SH3KBP1: variants seen among roughly 807,000 people sequenced by gnomAD.
SH3KBP1 encodes SH3 domain containing kinase binding protein 1.
A neutral mutation model predicts 50.1 loss-of-function variants in SH3KBP1; 8 were observed. The ratio of observed to expected loss-of-function variants is 0.16; its 90% CI spans 0.09 to 0.29. The LOEUF is 0.29. SH3KBP1 is among the 10% of genes least tolerant of loss of function. The pLI is 1.00. For synonymous variants in SH3KBP1, 227 were observed against 218.6 expected, an observed-to-expected ratio of 1.04 and a Z score of -0.34; for missense variants, 377 against 535.2, an observed-to-expected ratio of 0.70 and a Z score of 2.92.
intron 2 of SH3KBP1, among the ~76,000 whole-genome samples, chrX:19,835,703 C>T (rs1050365057): frequency 9.2e-6 from 1 of 109,036 alleles, no homozygotes; most frequent in African/African-American, 3.4e-5. Flanking sequence ...CTCAGCCTCC[C>T]GAGTAGCTGG....
chrX:19,753,186 C>T (rs2065117207), intron 2 of SH3KBP1, among the ~76,000 whole-genome samples: 2 of 111,497 alleles, frequency 1.8e-5, no homozygotes, highest in African/African-American at 6.5e-5. Context: ...GGGCAGAGCC[C>T]CCTTGGCTTA....
chrX:19,677,546 A>G (rs2062957455), intron 6 of SH3KBP1, among the ~76,000 whole-genome samples: 1 of 111,913 alleles, frequency 8.9e-6, no homozygotes, highest in East Asian at 2.8e-4. Context: ...TCTACTTGAT[A>G]CAGTCCCACA....
rs758486199 is a variant in SH3KBP1 at position 19,856,951 on chromosome X, C to CTTTTTTTTTTTTTTTTTTTTTTTTT, written c.5-20694_5-20670dup. Among the ~76,000 whole-genome samples, 3 of 20,040 alleles carry CTTTTTTTTTTTTTTTTTTTTTTTTT rather than the reference C, an allele frequency of 1.5e-4. 1 individual carries two copies. The highest frequency in any genetic ancestry group is 2.0e-4 in the Non-Finnish European group (2 of 10,012). 17.4% of individuals were successfully genotyped at this position (20,040 alleles called of 115,157 possible). ...CTTTTCCCCTAGAGCTAATACTAGTCTTTTTTTTTTTTTTTTTTTTTTTTT... is the reference window on the plus strand; with the variant it reads ...CTTTTCCCCTAGAGCTAATACTAGTCTTTTTTTTTTTTTTTTTTTTTTTTTTTTTTTTTTTTTTTTTTTTTTTTTT... On this transcript the variant is annotated intron_variant, in intron 1 of 17. Transcript: ENST00000397821.
At chrX:19,764,774 A>G (rs2065540302) in intron 2 of SH3KBP1, among the ~76,000 whole-genome samples, 1 of 108,714 alleles carries the variant, frequency 9.2e-6, no homozygotes, top group Admixed American at 9.9e-5. Flanking sequence ...ACCATCTAGG[A>G]AGGCTGGAAC....
rs1183061715 is a variant in SH3KBP1, at chrX:19,887,518, G to A, written c.-208C>T. ...GCTGCTGCTGCCGCTGCTGCCCCGG[G>A]GCGACTCCTGCTGCTGCTGTTGCAT... On this transcript the variant is annotated 5_prime_UTR_variant, in exon 1 of 18. Coordinates refer to ENST00000397821, the MANE Select transcript of SH3KBP1 (RefSeq NM_031892.3). 3 of 268,667 alleles carry A rather than the reference G, an allele frequency of 1.1e-5. No homozygotes were observed. Among genetic ancestry groups the A allele is most frequent in the African/African-American group, 9.2e-5 (3 of 32,570 alleles). 22.1% of individuals were successfully genotyped at this position (268,667 alleles called of 1,213,427 possible).
chrX:19,686,809 A>G (rs2063175571), intron 5 of SH3KBP1, among the ~76,000 whole-genome samples: 1 of 111,512 alleles, frequency 9.0e-6, no homozygotes, highest in African/African-American at 3.3e-5. Flanking sequence ...GTATATGCAC[A>G]CAAAGGTGGA....
chrX:19,537,835 G>T (rs2064764999), intron 16 of SH3KBP1, 55 bp from the exon 17 acceptor site: 1 of 996,308 alleles, frequency 1.0e-6, no homozygotes, highest in Admixed American at 2.2e-5. Context: ...CTTCATCAGA[G>T]ATCAGAAATC....
chrX:19,775,730 C>G (rs2065951728), intron 2 of SH3KBP1, among the ~76,000 whole-genome samples: 1 of 111,532 alleles, frequency 9.0e-6, no homozygotes, highest in Non-Finnish European at 1.9e-5. Flanking sequence ...TCATCTTTTT[C>G]AGAGACTTAC....
At chrX:19,832,166 T>C (rs902531973) in intron 2 of SH3KBP1, among the ~76,000 whole-genome samples, 1 of 111,999 alleles carries the variant, frequency 8.9e-6, no homozygotes, top group Non-Finnish European at 1.9e-5. Context: ...AGAGCAAGCA[T>C]CTCTCAAGAG....
At chrX:19,822,147 A>G (rs1437075316) in intron 2 of SH3KBP1, among the ~76,000 whole-genome samples, 1 of 111,928 alleles carries the variant, frequency 8.9e-6, no homozygotes, top group Non-Finnish European at 1.9e-5. Context: ...CTTGGCATAG[A>G]TTTCTCTAGG....
At chrX:19,719,349 T>G (rs2063995731) in intron 3 of SH3KBP1, among the ~76,000 whole-genome samples, 1 of 111,247 alleles carries the variant, frequency 9.0e-6, no homozygotes. Flanking sequence ...CCCTATGAAC[T>G]TCAGAGTCTA....
chrX:19,880,571 G>A (rs1750144362), intron 1 of SH3KBP1, among the ~76,000 whole-genome samples: 1 of 112,626 alleles, frequency 8.9e-6, no homozygotes, highest in Non-Finnish European at 1.9e-5. Flanking sequence ...ACAAAGTATG[G>A]TACAGCACAC....
At chrX:19,788,434 G>A (rs551484715) in intron 2 of SH3KBP1, among the ~76,000 whole-genome samples, 4 of 110,533 alleles carry the variant, frequency 3.6e-5, no homozygotes, top group African/African-American at 1.3e-4. Flanking sequence ...GGGAGGAGCA[G>A]ACTCTCCCTC....
At chrX:19,617,584 G>A (rs1397035429) in intron 8 of SH3KBP1, among the ~76,000 whole-genome samples, 1 of 112,681 alleles carries the variant, frequency 8.9e-6, no homozygotes, top group Non-Finnish European at 1.9e-5. Context: ...CTCTAACAAG[G>A]AAGGTGAAGT....
intron 1 of SH3KBP1, among the ~76,000 whole-genome samples, chrX:19,842,245 T>A (rs974289465): frequency 2.7e-5 from 3 of 112,445 alleles, no homozygotes; most frequent in Non-Finnish European, 5.6e-5. Flanking sequence ...AAATAAAAAT[T>A]GGCCGGGCGC....
At chrX:19,826,727 T>G (rs1353073403) in intron 2 of SH3KBP1, among the ~76,000 whole-genome samples, 2 of 109,608 alleles carry the variant, frequency 1.8e-5, no homozygotes, top group East Asian at 5.7e-4. Context: ...TAACATAACA[T>G]AACATAACAT....
chrX:19,801,948 G>A (rs1005452645), intron 2 of SH3KBP1, among the ~76,000 whole-genome samples: 7 of 110,358 alleles, frequency 6.3e-5, no homozygotes, highest in Admixed American at 1.9e-4. Context: ...CATGATGGCA[G>A]GTGCCTGTAA....
intron 7 of SH3KBP1, among the ~76,000 whole-genome samples, chrX:19,634,114 G>T (rs1297594131): frequency 9.6e-6 from 1 of 104,365 alleles, no homozygotes; most frequent in African/African-American, 3.5e-5. Context: ...GAAAGAAAGA[G>T]AGAGAGACGG....
At chrX:19,566,863 A>C (rs894551533) in intron 13 of SH3KBP1, among the ~76,000 whole-genome samples, 1 of 111,459 alleles carries the variant, frequency 9.0e-6, no homozygotes, top group Non-Finnish European at 1.9e-5. Context: ...GCATGAGATC[A>C]GACCAGAGAC....
Sources: allele counts gnomAD v4.1 joint callset (sites outside exome capture counted in the v4.1 genomes callset), GRCh38; gene constraint gnomAD v4.1.1; transcripts MANE v1.5; gene names NCBI Gene and HGNC (gene_info 2026-07-23, HGNC 2026-07-21).